PNRC2: variants seen among roughly 807,000 people sequenced by gnomAD.
PNRC2 encodes proline-rich nuclear receptor coactivator 2.
PNRC2 carries 2 observed loss-of-function variants against 12.2 expected under a neutral mutation model. The ratio of observed to expected loss-of-function variants is 0.16; its 90% CI spans 0.07 to 0.52. The LOEUF (loss-of-function observed/expected upper bound fraction) is 0.52, where lower values mean the gene tolerates loss of function less well. PNRC2 is among the 20% of genes least tolerant of loss of function. The pLI is 0.95. For missense variants in PNRC2, 115 were observed against 158.4 expected, an observed-to-expected ratio of 0.73 and a Z score of 1.47; for synonymous variants, 44 against 53.9, an observed-to-expected ratio of 0.82 and a Z score of 0.80.
In PNRC2 at chr1:23,961,940, T is replaced by C; in HGVS notation, c.*63T>C. 1.0e-6 allele frequency: 1 copy of C among 958,250 alleles called. No individual in the cohort carries two copies. Among genetic ancestry groups the C allele is most frequent in the Non-Finnish European group, 1.6e-6 (1 of 634,212 alleles). 59.4% of individuals were successfully genotyped at this position (958,250 alleles called of 1,614,324 possible). The stretch of plus-strand genomic sequence containing the variant: ...TAGTTGTCAATTGGTCTGAAACAAA[T>C]TCGCTAGGGAATCTATTTGTGTAGA... On this transcript the variant is annotated 3_prime_UTR_variant, in exon 3 of 3. Transcript: ENST00000334351.
In PNRC2 at chr1:23,962,928, AT is replaced by A. The variant is rs1478301722; in HGVS notation, c.*1056del. 1 of 166,936 alleles carries A rather than the reference AT, an allele frequency of 6.0e-6. No individual in the cohort carries two copies. Among genetic ancestry groups the A allele is most frequent in the East Asian group, 1.9e-4 (1 of 5,196 alleles). The allele number at this position is 166,936 out of a possible 1,614,324, so 10.3% of individuals were successfully genotyped here. ...TAAAAAGGTTTAAGCTGCTAAAACT[AT>A]TTTTAAGAGATGTGAAATGCAGTAT... On this transcript the variant is annotated 3_prime_UTR_variant, in exon 3 of 3. Transcript: ENST00000334351.
rs1389345262 is a variant in PNRC2, at chr1:23,963,212, G to A, written c.*1335G>A. The A allele has an allele frequency of 1.8e-5, 3 of 167,162 alleles. No homozygotes were observed. Among genetic ancestry groups the A allele is most frequent in the East Asian group, 3.9e-4 (2 of 5,194 alleles). The allele number at this position is 167,162 out of a possible 1,614,324, so 10.4% of individuals were successfully genotyped here. On this transcript the variant is annotated 3_prime_UTR_variant, in exon 3 of 3. Coordinates refer to ENST00000334351, the MANE Select transcript of PNRC2 (RefSeq NM_017761.4). The stretch of plus-strand genomic sequence containing the variant: ...TGCTTAAACATAAGCGAAACCAGTA[G>A]CAAGTATGTGGGTCAGCTTAAAAAT...
At chr1:23,959,599 G>A (rs1380156737), upstream of PNRC2, among the ~76,000 whole-genome samples, 1 of 152,180 alleles carries the variant, frequency 6.6e-6, no homozygotes, top group African/African-American at 2.4e-5. Flanking sequence ...CGGAGAGGCC[G>A]CCGGAGAAAG....
chr1:23,963,297 AG>A lies in PNRC2; in HGVS notation c.*1421del, dbSNP rs1641316127. On this transcript the variant is annotated 3_prime_UTR_variant, in exon 3 of 3. Coordinates refer to ENST00000334351, the MANE Select transcript of PNRC2 (RefSeq NM_017761.4). ...CCTCTTGATGCCTAAGCAGGTAAGCAGATGCCTAAGCTGTATTTCTCCAAAT... is the reference window on the plus strand; with the variant it reads ...CCTCTTGATGCCTAAGCAGGTAAGCAATGCCTAAGCTGTATTTCTCCAAAT... 6.0e-6 allele frequency: 1 copy of A among 167,026 alleles called. No homozygotes were observed. Among genetic ancestry groups the A allele is most frequent in the Non-Finnish European group, 1.5e-5 (1 of 68,048 alleles). 10.3% of individuals were successfully genotyped at this position (167,026 alleles called of 1,614,324 possible). A position where few individuals can be genotyped will look rare whatever the true frequency, so the allele number is the denominator to read the frequency against.
At chr1:23,961,371 A>G (rs1242889089) in intron 2 of PNRC2, 69 bp from the exon 3 acceptor site, 4 of 1,118,236 alleles carry the variant, frequency 3.6e-6, no homozygotes, top group African/African-American at 3.1e-5. Flanking sequence ...GGAGCCATAG[A>G]AGCTTCTTAA....
In PNRC2 at chr1:23,960,920, C is replaced by T. The variant is rs1570750996; in HGVS notation, c.-224-9C>T. ...TTTTGAAATAATGAAGTAATCTTTACTTTTCTAGCTAGGACTTCTCTCAAA... is the reference window on the plus strand; with the variant it reads ...TTTTGAAATAATGAAGTAATCTTTATTTTTCTAGCTAGGACTTCTCTCAAA... On this transcript the variant is annotated splice_polypyrimidine_tract_variant and intron_variant, in intron 1 of 2. Coordinates refer to ENST00000334351, the MANE Select transcript of PNRC2 (RefSeq NM_017761.4). 1 of 398,926 alleles carries T rather than the reference C, an allele frequency of 2.5e-6. No homozygotes were observed. Among genetic ancestry groups the T allele is most frequent in the Non-Finnish European group, 4.4e-6 (1 of 226,046 alleles). 24.7% of individuals were successfully genotyped at this position (398,926 alleles called of 1,614,324 possible).
Position 23,962,153 on chromosome 1 carries a change from A to G in PNRC2, c.*276A>G, listed in dbSNP as rs984724798. 6.2e-5 allele frequency: 18 copies of G among 290,744 alleles called. No homozygotes were observed. The highest frequency in any genetic ancestry group is 3.3e-4 in the African/African-American group (15 of 45,332). The allele number at this position is 290,744 out of a possible 1,614,324, so 18.0% of individuals were successfully genotyped here. A position where few individuals can be genotyped will look rare whatever the true frequency, so the allele number is the denominator to read the frequency against. On this transcript the variant is annotated 3_prime_UTR_variant, in exon 3 of 3. Transcript: ENST00000334351. ...ATCAGCTTTTTCTATTGTTAGGGGA[A>G]GACAGTAATTTATCATTCATGGACC... is the stretch of plus-strand genomic sequence containing the variant.
intron 1 of PNRC2, 95 bp downstream of exon 1, chr1:23,960,093 C>T (rs1169323063): frequency 6.6e-5 from 10 of 152,306 alleles, no homozygotes; most frequent in African/African-American, 2.4e-4. Flanking sequence ...TCCGGGTAAC[C>T]CGGGCGGGCG....
rs1641287437 is a variant in PNRC2, at chr1:23,961,918, T to C, written c.*41T>C. ...TAAATTTAGTTATGTTCACGGATAG[T>C]TGTCAATTGGTCTGAAACAAATTCG... On this transcript the variant is annotated 3_prime_UTR_variant, in exon 3 of 3. Coordinates refer to ENST00000334351, the MANE Select transcript of PNRC2 (RefSeq NM_017761.4). 3.2e-6 allele frequency: 4 copies of C among 1,250,270 alleles called. No homozygotes were observed. Among genetic ancestry groups the C allele is most frequent in the Non-Finnish European group, 4.5e-6 (4 of 890,854 alleles). 77.4% of individuals were successfully genotyped at this position (1,250,270 alleles called of 1,614,324 possible). A position where few individuals can be genotyped will look rare whatever the true frequency, so the allele number is the denominator to read the frequency against.
chr1:23,960,310 A>C (rs368960119), intron 1 of PNRC2, among the ~76,000 whole-genome samples: 10 of 152,366 alleles, frequency 6.6e-5, no homozygotes, highest in African/African-American at 2.4e-4. Flanking sequence ...GGGCTTAACT[A>C]TTTGGTAACT....
intron 1 of PNRC2, among the ~76,000 whole-genome samples, 167 bp from the exon 2 acceptor site, chr1:23,960,762 T>A (rs1641262047): frequency 6.6e-6 from 1 of 152,222 alleles, no homozygotes; most frequent in Admixed American, 6.5e-5. Flanking sequence ...GAAGAGTTTT[T>A]TTAAATGGTC....
At chr1:23,960,907 G>T in intron 1 of PNRC2, 22 bp from the exon 2 acceptor site, 1 of 398,628 alleles carries the variant, frequency 2.5e-6, no homozygotes, top group South Asian at 1.3e-4. Context: ...TTGAAATAAT[G>T]AAGTAATCTT....
chr1:23,959,364 C>T (rs1641233917), upstream of PNRC2: 1 of 152,580 alleles, frequency 6.6e-6, no homozygotes, highest in African/African-American at 2.4e-5. Context: ...AAGCCGAGGC[C>T]CGAGGCGGGA....
In PNRC2 at chr1:23,962,658, T is replaced by G. The variant is rs1217957067; in HGVS notation, c.*781T>G. 4.2e-5 allele frequency: 7 copies of G among 167,060 alleles called. No homozygotes were observed. The highest frequency in any genetic ancestry group is 1.0e-4 in the Non-Finnish European group (7 of 68,082). 10.3% of individuals were successfully genotyped at this position (167,060 alleles called of 1,614,324 possible). On this transcript the variant is annotated 3_prime_UTR_variant, in exon 3 of 3. Transcript: ENST00000334351. ...GGAGAAAGAGCCATGTAAATATCTG[T>G]AATAAACTTGTAGCATATGTAAAGT...
chr1:23,961,369 A>C, intron 2 of PNRC2, 71 bp from the exon 3 acceptor site: 1 of 1,101,204 alleles, frequency 9.1e-7, no homozygotes, highest in Non-Finnish European at 1.3e-6. Context: ...TTGGAGCCAT[A>C]GAAGCTTCTT....
chr1:23,959,665 C>G (rs921262371), upstream of PNRC2: 3 of 152,724 alleles, frequency 2.0e-5, no homozygotes, highest in African/African-American at 4.8e-5. Context: ...CCTCCCCGGG[C>G]AGATTTCAAA....
chr1:23,960,009 G>A lies in PNRC2; in HGVS notation c.-225+11G>A, dbSNP rs1016715883. The A allele has an allele frequency of 1.1e-4, 16 of 152,376 alleles. No homozygotes were observed. The highest frequency in any genetic ancestry group is 3.4e-4 in the African/African-American group (14 of 41,596). 9.4% of individuals were successfully genotyped at this position (152,376 alleles called of 1,614,324 possible). On this transcript the variant is annotated intron_variant, in intron 1 of 2. Transcript: ENST00000334351. ...CCGAGCTTGAAGTCAGTAAGTAGCG[G>A]CTGCGCTAAGGGCGCGGCCATGTTG...
chr1:23,962,974 C>G lies in PNRC2; in HGVS notation c.*1097C>G, dbSNP rs1487302898. 5 of 166,704 alleles carry G rather than the reference C, an allele frequency of 3.0e-5. No individual in the cohort carries two copies. Among genetic ancestry groups the G allele is most frequent in the Non-Finnish European group, 5.9e-5 (4 of 68,002 alleles). 10.3% of individuals were successfully genotyped at this position (166,704 alleles called of 1,614,324 possible). ...CAGTATGGGACTATCTTTTTTTCCT[C>G]CTCTAAGCCCAAAGATTAACTAGAG... On this transcript the variant is annotated 3_prime_UTR_variant, in exon 3 of 3. Coordinates refer to ENST00000334351, the MANE Select transcript of PNRC2 (RefSeq NM_017761.4).
In PNRC2 at chr1:23,961,997, GTGT is replaced by G. The variant is rs1238331152; in HGVS notation, c.*124_*126del. 1 of 635,092 alleles carries G rather than the reference GTGT, an allele frequency of 1.6e-6. No homozygotes were observed. Among genetic ancestry groups the G allele is most frequent in the African/African-American group, 1.8e-5 (1 of 54,068 alleles). 39.3% of individuals were successfully genotyped at this position (635,092 alleles called of 1,614,324 possible). ...TAATGTAAAAAAAATAGACCATCTC[GTGT>G]TGTGTGCACTGTGATATAATGGTAG... On this transcript the variant is annotated 3_prime_UTR_variant, in exon 3 of 3. Coordinates refer to ENST00000334351, the MANE Select transcript of PNRC2 (RefSeq NM_017761.4).
Sources: allele counts gnomAD v4.1 joint callset (sites outside exome capture counted in the v4.1 genomes callset), GRCh38; gene constraint gnomAD v4.1.1; transcripts MANE v1.5; gene names NCBI Gene and HGNC (gene_info 2026-07-23, HGNC 2026-07-21).